The following TM9SF1 variants were observed in gnomAD, a reference collection of about 807,000 sequenced individuals.
The protein encoded by TM9SF1 is transmembrane 9 superfamily member 1.
A neutral mutation model predicts 52.4 loss-of-function variants in TM9SF1; 25 were observed. The ratio of observed to expected loss-of-function variants is 0.48; its 90% confidence interval spans 0.35 to 0.67. The LOEUF is 0.67. Among genes scored for constraint, TM9SF1 ranks in the 30% least tolerant of loss-of-function variants. The probability of loss-of-function intolerance (pLI) is 0.01; values close to 1 mark genes in which losing one functional copy is unlikely to be tolerated. For missense variants in TM9SF1, 604 were observed against 780.3 expected (o/e 0.77, Z 2.69); for synonymous variants, 284 against 299.8 (o/e 0.95, Z 0.55).
chr14:24,195,275 C>T lies in TM9SF1; in HGVS notation c.-18+71G>A, dbSNP rs1335568568. ...CCGGGGCCTCTACTACGCGCCCTGG[C>T]CCGTTTCCATGGCAACGCCGCTCGG... On this transcript the variant is annotated intron_variant, in intron 1 of 5. Transcript: ENST00000261789. 1.6e-5 allele frequency: 8 copies of T among 497,128 alleles called. No homozygotes were observed. The Admixed American group carries it at 2.9e-4, about 18-fold the overall frequency. The allele number at this position is 497,128 out of a possible 1,614,324, so 30.8% of individuals were successfully genotyped here.
At chr14:24,190,018 G>C (rs758292746) in intron 5 of TM9SF1, 158 of 1,375,958 alleles carry the variant, frequency 1.1e-4, no homozygotes, top group Admixed American at 4.4e-4. Flanking sequence ...TTCCCTAATA[G>C]ATTGAGGGCA....
At position 24,190,605 on chromosome 14, in the gene TM9SF1, T is replaced by G. The variant is rs199825875; in HGVS notation, c.1202A>C (p.Asn401Thr). The change falls in exon 5 of 6, where the codon AAT becomes ACT. Residue 401 changes from asparagine (N) to threonine (T), a missense_variant. By Grantham distance (65) the Asn-to-Thr change is moderately conservative. This residue lies in a region of TM9SF1 where 450 missense variants were observed against 560.1 expected (regional missense o/e 0.80). Transcript: ENST00000261789. ...WSVVNSVHWA[N>T]GSTQALPATT... is the part of the protein sequence containing the mutation. ...GGCTGGCAGAGCCTGTGTCGAACCA[T>G]TGGCCCAATGCACTGAGTTCACCAC... The G allele has an allele frequency of 1.9e-6, 3 of 1,613,900 alleles. No individual in the cohort carries two copies. The highest frequency in any genetic ancestry group is 2.7e-5 in the African/African-American group (2 of 74,872).
At chr14:24,190,216 C>G in intron 5 of TM9SF1, 164 bp downstream of exon 5, 1 of 1,461,064 alleles carries the variant, frequency 6.8e-7, no homozygotes. Context: ...TCATATCATT[C>G]AAGCTCAGTC....
chr14:24,193,899 G>A (rs181951924), intron 2 of TM9SF1, among the ~76,000 whole-genome samples: 15,774 of 149,940 alleles, frequency 0.11, 1,112 homozygotes, highest in Non-Finnish European at 0.16. Flanking sequence ...CAGCCTGGGC[G>A]ACAGAGCAAG....
intron 4 of TM9SF1, chr14:24,191,892 C>T: frequency 2.7e-6 from 1 of 365,932 alleles, no homozygotes; most frequent in Non-Finnish European, 5.3e-6. Flanking sequence ...ACTGTAGCCT[C>T]AACCTCCCTG....
chr14:24,189,256 A>G lies in TM9SF1; in HGVS notation c.*159T>C, dbSNP rs571771106. The G allele has an allele frequency of 1.4e-5, 10 of 739,866 alleles. No individual in the cohort carries two copies. The African/African-American group carries it at 1.7e-4, about 13-fold the overall frequency. 45.8% of individuals were successfully genotyped at this position (739,866 alleles called of 1,614,324 possible). On this transcript the variant is annotated 3_prime_UTR_variant, in exon 6 of 6. Transcript: ENST00000261789. Reference sequence around the variant, plus strand: ...TATAATCCTTATGTGATAGAGATTTATAATTTCCAGGCCCTCTCTGGGGAA... The same window carrying G: ...TATAATCCTTATGTGATAGAGATTTGTAATTTCCAGGCCCTCTCTGGGGAA...
chr14:24,190,359 C>T, intron 5 of TM9SF1, 21 bp downstream of exon 5: 1 of 1,549,712 alleles, frequency 6.5e-7, no homozygotes, highest in Non-Finnish European at 8.7e-7. Flanking sequence ...CAGTAATAGC[C>T]ATGGAATAAA....
intron 2 of TM9SF1, 91 bp from the exon 3 acceptor site, chr14:24,193,360 T>C: frequency 7.1e-7 from 1 of 1,399,484 alleles, no homozygotes; most frequent in Non-Finnish European, 9.6e-7. Context: ...TACTGATATT[T>C]TGGGGTGGAT....
rs759109868 is a variant in TM9SF1, at chr14:24,189,705, C to T, written c.1531G>A (p.Val511Met). 13 of 1,614,214 alleles carry T rather than the reference C, an allele frequency of 8.1e-6. No individual in the cohort carries two copies. The South Asian group carries it at 1.2e-4, about 15-fold the overall frequency. The stretch of plus-strand genomic sequence containing the variant: ...AGTGCAATGGAGATGCAAGCCCCCA[C>T]ACTCAGCAGGATGGCGAAGACAAAG... ...LFFVFAILLSVGACISIALTY... is the reference protein window; with the variant it reads ...LFFVFAILLSMGACISIALTY... The change falls in exon 6 of 6, where the codon GTG becomes ATG. Residue 511 changes from valine to methionine, a missense_variant. By Grantham distance (21) the Val-to-Met change is conservative. Coordinates refer to ENST00000261789, the MANE Select transcript of TM9SF1 (RefSeq NM_006405.7).
At chr14:24,193,301 A>T (rs778054227) in intron 2 of TM9SF1, 32 bp from the exon 3 acceptor site, 1 of 1,558,342 alleles carries the variant, frequency 6.4e-7, no homozygotes, top group South Asian at 1.2e-5. Flanking sequence ...TTGGTCACAC[A>T]AGATCTCCCC....
chr14:24,192,063 C>T lies in TM9SF1; in HGVS notation c.1153+108G>A, dbSNP rs1252985934. 1.0e-5 allele frequency: 12 copies of T among 1,146,508 alleles called. No individual in the cohort carries two copies. Among genetic ancestry groups the T allele is most frequent in the East Asian group, 4.7e-5 (2 of 42,286 alleles). 71.0% of individuals were successfully genotyped at this position (1,146,508 alleles called of 1,614,324 possible). A position where few individuals can be genotyped will look rare whatever the true frequency, so the allele number is the denominator to read the frequency against. ...TTGGGCTCAAGTGATCCTCCGGCCT[C>T]GGTCTCCCAAAGTGCTAGGATTACA... On this transcript the variant is annotated intron_variant, in intron 4 of 5. Coordinates refer to ENST00000261789, the MANE Select transcript of TM9SF1 (RefSeq NM_006405.7). This position sits in a 1 kb window ranked among gnomAD's most constrained non-coding sequence, Gnocchi z 4.0.
rs1594450987 is a variant in TM9SF1 at position 24,192,200 on chromosome 14, T to C, written c.1124A>G (p.Asn375Ser). ...RQIGGERWVW[N>S]IILTTSLFSV... ...GAAGAGACTGGTGGTGAGAATGATGTTCCACACCCAACGCTCGCCTCCAAT... is the reference window on the plus strand; with the variant it reads ...GAAGAGACTGGTGGTGAGAATGATGCTCCACACCCAACGCTCGCCTCCAAT... Residue 375 changes from asparagine to serine, a missense_variant, in exon 4 of 6, where the codon AAC becomes AGC. Asn to Ser is a conservative substitution (Grantham distance 46). This residue lies in a region of TM9SF1 where 450 missense variants were observed against 560.1 expected (regional missense o/e 0.80). Coordinates refer to ENST00000261789, the MANE Select transcript of TM9SF1 (RefSeq NM_006405.7). The surrounding 1 kb of genome is among the most constrained non-coding windows in gnomAD (Gnocchi z 4.0). The C allele has an allele frequency of 6.2e-7, 1 of 1,614,130 alleles. No individual in the cohort carries two copies.
At chr14:24,191,796 C>T (rs1654652312) in intron 4 of TM9SF1, 2 of 180,388 alleles carry the variant, frequency 1.1e-5, no homozygotes, top group South Asian at 1.3e-4. Context: ...GACTCTATCC[C>T]AAGTTCTATG....
Position 24,192,191 on chromosome 14 carries a change from A to G in TM9SF1, c.1133T>C (p.Leu378Pro), listed in dbSNP as rs1254102377. ...CTCACCAGAGAAGAGACTGGTGGTG[A>G]GAATGATGTTCCACACCCAACGCTC... is the stretch of plus-strand genomic sequence containing the variant. ...GGERWVWNIILTTSLFSVPFF... is the reference protein window; with the variant it reads ...GGERWVWNIIPTTSLFSVPFF... Residue 378 changes from leucine (L) to proline (P), a missense_variant, in exon 4 of 6, where the codon CTC (leucine) becomes CCC (proline). Transcript: ENST00000261789. This position sits in a 1 kb window ranked among gnomAD's most constrained non-coding sequence, Gnocchi z 4.0. 6.2e-7 allele frequency: 1 copy of G among 1,614,202 alleles called. No homozygotes were observed. The highest frequency in any genetic ancestry group is 8.5e-7 in the Non-Finnish European group (1 of 1,180,028).
chr14:24,190,525 C>G lies in TM9SF1; in HGVS notation c.1282G>C (p.Val428Leu), dbSNP rs1214691407. Residue 428 changes from valine to leucine, a missense_variant, in exon 5 of 6, where the codon GTC becomes CTC. Physicochemically the swap from Val to Leu is conservative, Grantham distance 32. Transcript: ENST00000261789. ...TTCTTCCCAAAGATGCCTCCAATGA[C>G]AGTGAGGGGAAAGCCCACCAGCAGC... ...VWLLVGFPLTVIGGIFGKNNA... is the reference protein window; with the variant it reads ...VWLLVGFPLTLIGGIFGKNNA... 1 of 1,614,150 alleles carries G rather than the reference C, an allele frequency of 6.2e-7. No individual in the cohort carries two copies. Among genetic ancestry groups the G allele is most frequent in the Non-Finnish European group, 8.5e-7 (1 of 1,180,034 alleles).
At chr14:24,190,736 G>C in intron 4 of TM9SF1, 83 bp from the exon 5 acceptor site, 2 of 1,324,076 alleles carry the variant, frequency 1.5e-6, no homozygotes, top group Non-Finnish European at 2.0e-6. Context: ...GGACCAAAAG[G>C]GGAGGGGGCT....
chr14:24,195,159 AC>A (rs1197763083), intron 1 of TM9SF1, 123 bp from the exon 2 acceptor site: 3 of 644,994 alleles, frequency 4.7e-6, no homozygotes, highest in Non-Finnish European at 8.0e-6. Context: ...GCCTCACCCT[AC>A]CCCACGTCTC....
chr14:24,190,098 G>A (rs925289659), intron 5 of TM9SF1: 15 of 1,358,026 alleles, frequency 1.1e-5, no homozygotes, highest in Non-Finnish European at 1.4e-5. Context: ...AAGTAAATGG[G>A]TCATCAAATG....
intron 2 of TM9SF1, 91 bp downstream of exon 2, chr14:24,194,584 A>G: frequency 8.0e-7 from 1 of 1,248,398 alleles, no homozygotes; most frequent in East Asian, 2.3e-5. Context: ...AAATCAGACA[A>G]TTTCCATAAA....
Sources: gnomAD v4.1 joint callset for allele counts (sites outside exome capture counted in the v4.1 genomes callset) on GRCh38, gnomAD v4.1.1 for gene constraint, gnomAD v4.1.1 regional missense constraint, Gnocchi (gnomAD v3.1) non-coding constraint, MANE v1.5 for transcripts, NCBI Gene and HGNC (gene_info 2026-07-23, HGNC 2026-07-21) for gene names.